ZFHX3: variants seen among roughly 807,000 people sequenced by gnomAD.
ZFHX3 encodes zinc finger homeobox 3, also known as zinc finger homeobox protein 3.
ZFHX3 carries 42 observed loss-of-function variants against 279.1 expected under a neutral mutation model. The observed-to-expected ratio is 0.15, with a 90% CI of 0.12 to 0.19. The LOEUF is 0.19. ZFHX3 is among the 10% of genes least tolerant of loss of function. The pLI is 1.00. For missense variants in ZFHX3, 4,981 were observed against 4,754.0 expected, an observed-to-expected ratio of 1.05 and a Z score of -1.40; for synonymous variants, 2,293 against 1,957.8, an observed-to-expected ratio of 1.17 and a Z score of -4.52.
intron 1 of ZFHX3, among the ~76,000 whole-genome samples, chr16:73,877,601 C>T (rs1428821275): frequency 6.6e-6 from 1 of 151,884 alleles, no homozygotes. Context: ...TAAATAATAA[C>T]TAAATACACA....
intron 1 of ZFHX3, among the ~76,000 whole-genome samples, chr16:73,027,320 TC>T (rs1964547130): frequency 6.6e-6 from 1 of 152,190 alleles, no homozygotes; most frequent in African/African-American, 2.4e-5. Context: ...CCGTGATCAT[TC>T]CCAGGCTTAT....
chr16:73,840,678 G>A (rs1961280111), intron 1 of ZFHX3, among the ~76,000 whole-genome samples: 1 of 152,160 alleles, frequency 6.6e-6, no homozygotes, highest in Admixed American at 6.5e-5. Context: ...TACAGTTGTG[G>A]TTCTCGATAA....
intron 8 of ZFHX3, among the ~76,000 whole-genome samples, chr16:73,088,416 G>C (rs1966034845): frequency 6.6e-6 from 1 of 152,150 alleles, no homozygotes; most frequent in African/African-American, 2.4e-5. Flanking sequence ...GTCTCTCAAA[G>C]TGCTGAAATA....
At chr16:73,412,610 G>A (rs535429895) in intron 3 of ZFHX3, among the ~76,000 whole-genome samples, 2 of 152,192 alleles carry the variant, frequency 1.3e-5, no homozygotes, top group African/African-American at 4.8e-5. Flanking sequence ...TAAGACTGCC[G>A]ATGGCCTGAG....
intron 4 of ZFHX3, among the ~76,000 whole-genome samples, chr16:72,864,667 C>A (rs1029303654): frequency 6.6e-6 from 1 of 152,194 alleles, no homozygotes; most frequent in African/African-American, 2.4e-5. Context: ...CACTCTTGGG[C>A]CTCACTGCAT....
chr16:72,855,237 A>G (rs967431262), intron 4 of ZFHX3, among the ~76,000 whole-genome samples: 7 of 152,370 alleles, frequency 4.6e-5, no homozygotes, highest in African/African-American at 1.7e-4. Context: ...TATAACCATC[A>G]TGCCTGACAA....
At position 72,957,853 on chromosome 16, in the gene ZFHX3, C is replaced by T; in HGVS notation, c.2293G>A (p.Val765Ile). The change falls in exon 2 of 10, where the codon GTC becomes ATC. Residue 765 changes from valine (V) to isoleucine (I), a missense_variant. Physicochemically the swap from Val to Ile is conservative, Grantham distance 29 (BLOSUM62 3). This residue lies in a region of ZFHX3 where 1,751 missense variants were observed against 1,770.0 expected (regional missense o/e 0.99). Coordinates refer to ENST00000268489, the MANE Select transcript of ZFHX3 (RefSeq NM_006885.4). ...GCCGCCCCGGCAGTGTGGCTGAAGA[C>T]CTGCTCCCCCCCTCCATTCTGCAGG... ...QNLQNGGGEQ[V>I]FSHTAGAAAA... is the part of the protein sequence containing the mutation. The T allele has an allele frequency of 1.2e-6, 2 of 1,613,886 alleles. No homozygotes were observed. The highest frequency in any genetic ancestry group is 8.5e-7 in the Non-Finnish European group (1 of 1,179,988).
At position 73,650,339 on chromosome 16, in the gene ZFHX3, T is replaced by G. The variant is rs535305350; in HGVS notation, c.-1547+29841A>C. Among the ~76,000 whole-genome samples, 3 of 148,186 alleles carry G rather than the reference T, an allele frequency of 2.0e-5. No homozygotes were observed. The South Asian group carries it at 6.4e-4, about 32-fold the overall frequency. On this transcript the variant is annotated intron_variant, in intron 2 of 17. Coordinates refer to the ZFHX3 transcript ENST00000641206. ...AGCTTTTTTTGCCCTAAGCGCATTT[T>G]CCAAAAAAAAAAAACAAAAACAAAA...
intron 5 of ZFHX3, among the ~76,000 whole-genome samples, chr16:72,822,582 G>A (rs2036822535): frequency 6.6e-6 from 1 of 152,070 alleles, no homozygotes; most frequent in Non-Finnish European, 1.5e-5. Flanking sequence ...CTTTACAATT[G>A]GCACAAAAGT....
intron 5 of ZFHX3, among the ~76,000 whole-genome samples, chr16:73,239,700 G>C (rs1172186698): frequency 2.0e-5 from 3 of 152,140 alleles, no homozygotes; most frequent in Admixed American, 6.5e-5. Context: ...AAGGAACGGG[G>C]ATGATTTCCT....
intron 1 of ZFHX3, among the ~76,000 whole-genome samples, chr16:73,841,929 TCACAGTCA>T (rs1567427656): frequency 6.8e-6 from 1 of 147,808 alleles, no homozygotes; most frequent in African/African-American, 2.7e-5. Context: ...AAAACAATGA[TCACAGTCA>T]GGTGCGGTGG....
chr16:73,007,588 G>A (rs919114412), intron 1 of ZFHX3, among the ~76,000 whole-genome samples: 6 of 151,870 alleles, frequency 4.0e-5, no homozygotes, highest in African/African-American at 1.2e-4. Context: ...CTGGGACTAC[G>A]GGTGCCCACC....
chr16:72,959,599 C>G lies in ZFHX3; in HGVS notation c.547G>C (p.Asp183His), dbSNP rs781233742. 1 of 1,614,174 alleles carries G rather than the reference C, an allele frequency of 6.2e-7. No individual in the cohort carries two copies. Among genetic ancestry groups the G allele is most frequent in the East Asian group, 2.2e-5 (1 of 44,876 alleles). The change falls in exon 2 of 10, where the codon GAC (aspartate) becomes CAC (histidine). Residue 183 changes from aspartate (D) to histidine (H), a missense_variant. Asp to His is a moderately conservative substitution (Grantham distance 81). Transcript: ENST00000268489. ...SLPGAGGKQG[D>H]PSCAAPVYPQ... is the part of the protein sequence containing the mutation. Reference sequence around the variant, plus strand: ...TACACGGGTGCAGCACACGAAGGGTCCCCTTGCTTGCCCCCCGCGCCAGGG... The same window carrying G: ...TACACGGGTGCAGCACACGAAGGGTGCCCTTGCTTGCCCCCCGCGCCAGGG...
At chr16:73,008,187 T>G (rs1432318040) in intron 1 of ZFHX3, among the ~76,000 whole-genome samples, 1 of 152,244 alleles carries the variant, frequency 6.6e-6, no homozygotes, top group African/African-American at 2.4e-5. Context: ...TATTTTCATT[T>G]TCTTTAATAA....
At chr16:73,563,234 T>G (rs894598821) in intron 2 of ZFHX3, among the ~76,000 whole-genome samples, 6 of 146,826 alleles carry the variant, frequency 4.1e-5, no homozygotes, top group Admixed American at 1.4e-4. Flanking sequence ...TTTGTTTTTG[T>G]TTTGTTTTTG....
At chr16:73,650,688 C>T (rs62043043) in intron 2 of ZFHX3, among the ~76,000 whole-genome samples, 2,632 of 152,166 alleles carry the variant, frequency 0.017, 42 homozygotes, top group Non-Finnish European at 0.025. Flanking sequence ...TAATCAAAAA[C>T]GAAACAACAA....
chr16:73,291,460 G>A (rs144016059), intron 4 of ZFHX3, among the ~76,000 whole-genome samples: 11 of 152,332 alleles, frequency 7.2e-5, no homozygotes, highest in African/African-American at 2.4e-4. Flanking sequence ...CCAGAGATAC[G>A]TGTGAAGGAT....
At chr16:73,015,618 T>A (rs556001476) in intron 1 of ZFHX3, 1 of 152,338 alleles carries the variant, frequency 6.6e-6, no homozygotes, top group African/African-American at 2.4e-5. Flanking sequence ...CGAGCCAACC[T>A]TACCCAATAT....
At chr16:73,089,466 GA>G (rs1474762110) in intron 8 of ZFHX3, among the ~76,000 whole-genome samples, 1 of 152,146 alleles carries the variant, frequency 6.6e-6, no homozygotes, top group East Asian at 1.9e-4. Context: ...TTTTACCGAG[GA>G]AAAATCAAAC....
Sources: gnomAD v4.1 joint callset for allele counts (sites outside exome capture counted in the v4.1 genomes callset) on GRCh38, gnomAD v4.1.1 for gene constraint, gnomAD v4.1.1 regional missense constraint, MANE v1.5 for transcripts, NCBI Gene and HGNC (gene_info 2026-07-23, HGNC 2026-07-21) for gene names.